The following SMC5 variants were observed in gnomAD, a reference collection of about 807,000 sequenced individuals.
SMC5 encodes structural maintenance of chromosomes protein 5.
Under a neutral mutation model 148.3 loss-of-function variants are expected in SMC5, and 88 were observed. The observed-to-expected ratio is 0.59, with a 90% CI of 0.50 to 0.71. The LOEUF is 0.71. Ranked by LOEUF, SMC5 falls within the 30% of genes least tolerant of loss-of-function variation. The pLI, the probability that SMC5 is intolerant of heterozygous loss-of-function variation, is 0.00. For synonymous variants in SMC5, 421 were observed against 432.8 expected, an observed-to-expected ratio of 0.97 and a Z score of 0.34; for missense variants, 1,142 against 1,298.9, an observed-to-expected ratio of 0.88 and a Z score of 1.86.
chr9:70,274,869 A>AT (rs2034546347), intron 3 of SMC5, among the ~76,000 whole-genome samples: 1 of 152,060 alleles, frequency 6.6e-6, no homozygotes, highest in Non-Finnish European at 1.5e-5. Context: ...CTGAACTTAC[A>AT]TGCTTTTAAA....
At position 70,353,172 on chromosome 9, in the gene SMC5, G is replaced by T. The variant is rs977894167; in HGVS notation, c.*841G>T. 1 of 151,836 alleles carries T rather than the reference G, an allele frequency of 6.6e-6. No homozygotes were observed. Among genetic ancestry groups the T allele is most frequent in the African/African-American group, 2.4e-5 (1 of 41,354 alleles). 9.4% of individuals were successfully genotyped at this position (151,836 alleles called of 1,614,324 possible). On this transcript the variant is annotated 3_prime_UTR_variant, in exon 25 of 25. Coordinates refer to ENST00000361138, the MANE Select transcript of SMC5 (RefSeq NM_015110.4). ...AGCATTTTATAATTATTTTTAGTAAGATTTTTCTTAAAATTTCATATACTG... is the reference window on the plus strand; with the variant it reads ...AGCATTTTATAATTATTTTTAGTAATATTTTTCTTAAAATTTCATATACTG...
rs1253629809 is a variant in SMC5 at position 70,352,268 on chromosome 9, C to A, written c.3243C>A (p.Asn1081Lys). The A allele has an allele frequency of 1.9e-6, 3 of 1,613,780 alleles. No homozygotes were observed. The highest frequency in any genetic ancestry group is 2.5e-6 in the Non-Finnish European group (3 of 1,179,896). Residue 1081 changes from asparagine to lysine, a missense_variant, in exon 25 of 25, where the codon AAC becomes AAA. This residue lies in a region of SMC5 where 63 missense variants were observed against 65.7 expected (regional missense o/e 0.96). Transcript: ENST00000361138. ...ATGGCCCTCATATGCTGGAACCAAA[C>A]ACATGGAATTTAAAGGCTTTCCAAA... ...VYNGPHMLEP[N>K]TWNLKAFQRR...
chr9:70,324,432 G>C (rs2036026002), intron 17 of SMC5, among the ~76,000 whole-genome samples: 1 of 152,196 alleles, frequency 6.6e-6, no homozygotes, highest in Non-Finnish European at 1.5e-5. Context: ...ACCGGAAGGA[G>C]AGCTGGCAAT....
chr9:70,350,925 A>T (rs530513415), intron 24 of SMC5, among the ~76,000 whole-genome samples: 1 of 152,296 alleles, frequency 6.6e-6, no homozygotes, highest in African/African-American at 2.4e-5. Flanking sequence ...TTTGTAGATA[A>T]TTTTTCATAA....
chr9:70,280,902 A>G lies in SMC5; in HGVS notation c.819+3A>G. On this transcript the variant is annotated splice_donor_region_variant and intron_variant, in intron 6 of 24. Coordinates refer to ENST00000361138, the MANE Select transcript of SMC5 (RefSeq NM_015110.4). The stretch of plus-strand genomic sequence containing the variant: ...TTGAAGCAAAAAGGCCATGGGTGGT[A>G]AGTCATAATTTTTAGAGGCAAAGTA... The G allele has an allele frequency of 6.2e-7, 1 of 1,613,590 alleles. No individual in the cohort carries two copies. Among genetic ancestry groups the G allele is most frequent in the Non-Finnish European group, 8.5e-7 (1 of 1,179,922 alleles).
chr9:70,259,696 A>G (rs2034037484), intron 1 of SMC5, among the ~76,000 whole-genome samples: 1 of 152,070 alleles, frequency 6.6e-6, no homozygotes, highest in African/African-American at 2.4e-5. Flanking sequence ...GCCAGAGAGG[A>G]GTAGATAAGA....
chr9:70,325,201 T>G (rs1423257277), intron 17 of SMC5, among the ~76,000 whole-genome samples: 1 of 152,220 alleles, frequency 6.6e-6, no homozygotes, highest in African/African-American at 2.4e-5. Flanking sequence ...AGTCATATTC[T>G]TAGCATTAAC....
intron 8 of SMC5, among the ~76,000 whole-genome samples, chr9:70,297,606 A>G (rs575515002): frequency 7.7e-4 from 118 of 152,318 alleles, no homozygotes; most frequent in African/African-American, 2.8e-3. Context: ...AAACTGTATC[A>G]CATATGCCAC....
At chr9:70,279,228 C>A (rs925479091) in intron 5 of SMC5, among the ~76,000 whole-genome samples, 1 of 152,086 alleles carries the variant, frequency 6.6e-6, no homozygotes, top group African/African-American at 2.4e-5. Flanking sequence ...AATAAGAAAT[C>A]TTTTAGTCTG....
intron 16 of SMC5, among the ~76,000 whole-genome samples, 200 bp downstream of exon 16, chr9:70,323,806 C>A (rs1452047372): frequency 6.6e-6 from 1 of 152,244 alleles, no homozygotes; most frequent in East Asian, 1.9e-4. Context: ...TAAAAGCACT[C>A]ATTAAGCTAA....
At chr9:70,313,149 T>A (rs1161025646) in intron 11 of SMC5, among the ~76,000 whole-genome samples, 12 of 152,198 alleles carry the variant, frequency 7.9e-5, no homozygotes, top group Non-Finnish European at 1.6e-4. Flanking sequence ...TTCCAATTCA[T>A]CTAAGTTATT....
intron 17 of SMC5, among the ~76,000 whole-genome samples, chr9:70,342,963 T>C (rs994091073): frequency 6.6e-6 from 1 of 152,180 alleles, no homozygotes; most frequent in Non-Finnish European, 1.5e-5. Flanking sequence ...GCTGTTAAGT[T>C]GTCATAGCTT....
rs985504886 is a variant in SMC5, at chr9:70,346,643, C to T, written c.2562C>T (p.Leu854=). 1.4e-5 allele frequency: 23 copies of T among 1,613,880 alleles called. 1 individual carries two copies. In the African/African-American group the frequency reaches 1.9e-4, roughly 13 times the overall value. Residue 854 remains leucine (L), a synonymous_variant, in exon 19 of 25, where the codon CTC becomes CTT. Coordinates refer to ENST00000361138, the MANE Select transcript of SMC5 (RefSeq NM_015110.4). ...TTCCAAATGGACACAACTCCTCACTCCCCATGGTATGCAGTACTCATTCTT... is the reference window on the plus strand; with the variant it reads ...TTCCAAATGGACACAACTCCTCACTTCCCATGGTATGCAGTACTCATTCTT... The part of the protein sequence containing the change: ...PTIPNGHNSS[L]PMVFQDLPNT...
At position 70,259,155 on chromosome 9, in the gene SMC5, C is replaced by T; in HGVS notation, c.77C>T (p.Ser26Leu). ...SKRALPRDPSSEVPSKRKNSA... is the reference protein window; with the variant it reads ...SKRALPRDPSLEVPSKRKNSA... Reference sequence around the variant, plus strand: ...AGAGCTCTCCCGAGAGACCCTTCGTCGGAGGTCCCGAGCAAGAGGAAGAAT... The same window carrying T: ...AGAGCTCTCCCGAGAGACCCTTCGTTGGAGGTCCCGAGCAAGAGGAAGAAT... Residue 26 changes from serine (S) to leucine (L), a missense_variant, in exon 1 of 25, where the codon TCG becomes TTG. Physicochemically the swap from Ser to Leu is moderately radical, Grantham distance 145 (BLOSUM62 -2). Coordinates refer to ENST00000361138, the MANE Select transcript of SMC5 (RefSeq NM_015110.4). 6.2e-7 allele frequency: 1 copy of T among 1,612,372 alleles called. No individual in the cohort carries two copies.
chr9:70,337,399 C>A (rs1284268888), intron 17 of SMC5, among the ~76,000 whole-genome samples: 1 of 149,182 alleles, frequency 6.7e-6, no homozygotes, highest in African/African-American at 2.5e-5. Flanking sequence ...AGGGTGTTCT[C>A]TTCTGATCCA....
intron 18 of SMC5, among the ~76,000 whole-genome samples, chr9:70,345,907 T>C (rs2036655169): frequency 6.6e-6 from 1 of 152,132 alleles, no homozygotes. Flanking sequence ...ATTAGGGTGA[T>C]AGCACTGAAG....
intron 17 of SMC5, among the ~76,000 whole-genome samples, chr9:70,328,440 C>G (rs1364481156): frequency 6.6e-6 from 1 of 152,126 alleles, no homozygotes; most frequent in Non-Finnish European, 1.5e-5. Flanking sequence ...AACTACAGGC[C>G]CCACACATGT....
intron 6 of SMC5, among the ~76,000 whole-genome samples, 186 bp from the exon 7 acceptor site, chr9:70,282,236 A>G (rs1227755881): frequency 6.6e-6 from 1 of 152,204 alleles, no homozygotes; most frequent in Non-Finnish European, 1.5e-5. Flanking sequence ...CAGGACTGTT[A>G]TTAAATCATT....
At chr9:70,350,520 T>C (rs2036780030) in intron 24 of SMC5, 49 bp downstream of exon 24, 1 of 1,323,596 alleles carries the variant, frequency 7.6e-7, no homozygotes, top group Non-Finnish European at 1.0e-6. Flanking sequence ...AAATCTCCTG[T>C]GACATAATCA....
Sources: allele counts gnomAD v4.1 joint callset (sites outside exome capture counted in the v4.1 genomes callset), GRCh38; gene constraint gnomAD v4.1.1; regional missense constraint gnomAD v4.1.1; transcripts MANE v1.5; gene names NCBI Gene and HGNC (gene_info 2026-07-23, HGNC 2026-07-21).